COLEC12: variants seen among roughly 807,000 people sequenced by gnomAD.
COLEC12 encodes collectin subfamily member 12.
A neutral mutation model predicts 71.1 loss-of-function variants in COLEC12; 33 were observed. The ratio of observed to expected loss-of-function variants is 0.46; its 90% CI spans 0.35 to 0.62. The LOEUF (loss-of-function observed/expected upper bound fraction) is 0.62, where lower values mean the gene tolerates loss of function less well. COLEC12 is among the 20% of genes least tolerant of loss of function. The pLI is 0.00. For synonymous variants in COLEC12, 350 were observed against 353.0 expected (o/e 0.99, Z 0.10); for missense variants, 765 against 916.1 (o/e 0.84, Z 2.13).
At chr18:419,611 G>A (rs905316007) in intron 2 of COLEC12, among the ~76,000 whole-genome samples, 1 of 152,192 alleles carries the variant, frequency 6.6e-6, no homozygotes, top group African/African-American at 2.4e-5. Context: ...CTTTATACAG[G>A]AAGAACTCTG....
intron 2 of COLEC12, among the ~76,000 whole-genome samples, chr18:390,067 C>G (rs1281759526): frequency 6.6e-6 from 1 of 152,162 alleles, no homozygotes; most frequent in Non-Finnish European, 1.5e-5. Context: ...AAACAAAACA[C>G]AAAGCATTGA....
intron 2 of COLEC12, among the ~76,000 whole-genome samples, chr18:378,135 C>T (rs1915152855): frequency 6.6e-6 from 1 of 152,176 alleles, no homozygotes; most frequent in South Asian, 2.1e-4. Context: ...TCAGTCCTGC[C>T]TGTGCCCCAA....
At chr18:464,584 A>C (rs1164450699) in intron 2 of COLEC12, among the ~76,000 whole-genome samples, 1 of 152,186 alleles carries the variant, frequency 6.6e-6, no homozygotes, top group Non-Finnish European at 1.5e-5. Flanking sequence ...CAGAATTAAT[A>C]ACTTCAGAAT....
At chr18:390,547 G>A (rs1006489712) in intron 2 of COLEC12, among the ~76,000 whole-genome samples, 3 of 152,182 alleles carry the variant, frequency 2.0e-5, no homozygotes, top group Non-Finnish European at 4.4e-5. Flanking sequence ...GATCACCCGA[G>A]GTCGGGAGTT....
chr18:330,231 C>T (rs1264537912), intron 8 of COLEC12, among the ~76,000 whole-genome samples: 2 of 152,334 alleles, frequency 1.3e-5, no homozygotes, highest in South Asian at 2.1e-4. Context: ...TTAAAAAACT[C>T]GATCTGGCTT....
At chr18:383,560 T>C (rs1216834004) in intron 2 of COLEC12, among the ~76,000 whole-genome samples, 3 of 152,114 alleles carry the variant, frequency 2.0e-5, no homozygotes, top group Non-Finnish European at 4.4e-5. Context: ...AAAACAAAAA[T>C]CAAGATAAAA....
intron 5 of COLEC12, among the ~76,000 whole-genome samples, chr18:339,444 A>C (rs1011020560): frequency 6.6e-6 from 1 of 152,178 alleles, no homozygotes; most frequent in Non-Finnish European, 1.5e-5. Flanking sequence ...TAATCTCCAG[A>C]TCTTGTGAAG....
chr18:438,633 G>C (rs890979551), intron 2 of COLEC12, among the ~76,000 whole-genome samples: 1 of 151,872 alleles, frequency 6.6e-6, no homozygotes, highest in Non-Finnish European at 1.5e-5. Flanking sequence ...ACAACACAGT[G>C]GGACCCATTG....
intron 2 of COLEC12, among the ~76,000 whole-genome samples, chr18:433,611 C>CA (rs2143679496): frequency 6.6e-6 from 1 of 152,118 alleles, no homozygotes; most frequent in Admixed American, 6.5e-5. Flanking sequence ...TCACAGAAGA[C>CA]AAAAAAGGCT....
At chr18:380,080 G>A (rs1184091288) in intron 2 of COLEC12, among the ~76,000 whole-genome samples, 3 of 152,044 alleles carry the variant, frequency 2.0e-5, no homozygotes, top group African/African-American at 4.8e-5. Context: ...CAATAGGTCC[G>A]GCAGTGTCTT....
chr18:370,991 G>A (rs1914986003), intron 2 of COLEC12, among the ~76,000 whole-genome samples: 1 of 152,196 alleles, frequency 6.6e-6, no homozygotes, highest in African/African-American at 2.4e-5. Flanking sequence ...GTTCCTAAAT[G>A]AAGAATACAA....
chr18:341,076 C>T (rs1169353990), intron 5 of COLEC12, among the ~76,000 whole-genome samples: 1 of 152,180 alleles, frequency 6.6e-6, no homozygotes, highest in African/African-American at 2.4e-5. Context: ...TTGCACTGTC[C>T]CCTGTCCCGT....
chr18:427,771 C>T (rs961761726), intron 2 of COLEC12, among the ~76,000 whole-genome samples: 3 of 152,156 alleles, frequency 2.0e-5, no homozygotes, highest in African/African-American at 7.2e-5. Context: ...AAACACCCAG[C>T]ACTATCCCAG....
chr18:454,651 C>T (rs745309044), intron 2 of COLEC12, among the ~76,000 whole-genome samples: 1 of 152,214 alleles, frequency 6.6e-6, no homozygotes, highest in Non-Finnish European at 1.5e-5. Flanking sequence ...CATTGCACTC[C>T]AGCCTGGGAG....
chr18:472,678 C>CAAAAA (rs765169609), intron 2 of COLEC12, among the ~76,000 whole-genome samples: 25 of 93,682 alleles, frequency 2.7e-4, no homozygotes, highest in African/African-American at 4.0e-4. Context: ...GGCCCTGTGA[C>CAAAAA]AAAAAAAAAA....
In COLEC12 at chr18:437,496, G is replaced by A. The variant is rs913600599; in HGVS notation, c.58+43211C>T. On this transcript the variant is annotated intron_variant, in intron 2 of 9. Coordinates refer to ENST00000400256, the MANE Select transcript of COLEC12 (RefSeq NM_130386.3). ...TCCTTTCTATCATAGCTCTAATGTC[G>A]GTGTTGGCTGAGCTGGTGGGGTATG... Among the ~76,000 whole-genome samples the A allele has an allele frequency of 9.2e-5, 14 of 151,882 alleles. No individual in the cohort carries two copies. The South Asian group carries it at 1.3e-3, about 14-fold the overall frequency.
chr18:459,716 C>T (rs1916940833), intron 2 of COLEC12, among the ~76,000 whole-genome samples: 1 of 152,172 alleles, frequency 6.6e-6, no homozygotes, highest in Non-Finnish European at 1.5e-5. Flanking sequence ...AGAGCCAGGG[C>T]CAAGACAGAA....
In COLEC12 at chr18:340,162, C is replaced by T. The variant is rs186499480; in HGVS notation, c.1328-4932G>A. On this transcript the variant is annotated intron_variant, in intron 5 of 9. Coordinates refer to ENST00000400256, the MANE Select transcript of COLEC12 (RefSeq NM_130386.3). The stretch of plus-strand genomic sequence containing the variant: ...TTCAGAGTTGAGAAAACAGCAACGC[C>T]GCATGTGGAAACACATGTGATGTCC... 2.2e-4 allele frequency among the ~76,000 whole-genome samples: 34 copies of T among 151,584 alleles called. No individual in the cohort carries two copies. In the East Asian group the frequency reaches 5.0e-3, roughly 22 times the overall value.
At chr18:471,670 T>C (rs1391232000) in intron 2 of COLEC12, among the ~76,000 whole-genome samples, 1 of 151,114 alleles carries the variant, frequency 6.6e-6, no homozygotes, top group Non-Finnish European at 1.5e-5. Flanking sequence ...TAATATAAAT[T>C]GTTGCTTTTT....
Sources: allele counts gnomAD v4.1 joint callset (sites outside exome capture counted in the v4.1 genomes callset), GRCh38; gene constraint gnomAD v4.1.1; transcripts MANE v1.5; gene names NCBI Gene and HGNC (gene_info 2026-07-23, HGNC 2026-07-21).